The following RBMS3 variants were observed in gnomAD, a reference collection of about 807,000 sequenced individuals.
The protein encoded by RBMS3 is RNA binding motif single stranded interacting protein 3.
RBMS3 carries 27 observed loss-of-function variants against 66.8 expected under a neutral mutation model. The ratio of observed to expected loss-of-function variants is 0.40; its 90% CI spans 0.30 to 0.56. The LOEUF (loss-of-function observed/expected upper bound fraction) is 0.56, where lower values mean the gene tolerates loss of function less well. RBMS3 is among the 20% of genes least tolerant of loss of function. The probability of loss-of-function intolerance (pLI) is 0.40; values close to 1 mark genes in which losing one functional copy is unlikely to be tolerated. For missense variants in RBMS3, 513 were observed against 549.5 expected (o/e 0.93, Z 0.66); for synonymous variants, 188 against 183.0 (o/e 1.03, Z -0.22).
chr3:29,778,324 GTA>G (rs557517599), intron 6 of RBMS3, among the ~76,000 whole-genome samples: 10 of 151,478 alleles, frequency 6.6e-5, no homozygotes, highest in Admixed American at 2.6e-4. Flanking sequence ...GTGACTCTCT[GTA>G]TATGATTATT....
chr3:29,725,077 C>T (rs775217332), intron 4 of RBMS3, among the ~76,000 whole-genome samples: 9 of 152,122 alleles, frequency 5.9e-5, no homozygotes, highest in Non-Finnish European at 1.0e-4. Flanking sequence ...AGATGGAAAT[C>T]GACAAGTGAC....
chr3:29,624,344 C>G (rs2048979473), intron 4 of RBMS3, among the ~76,000 whole-genome samples: 1 of 152,140 alleles, frequency 6.6e-6, no homozygotes, highest in South Asian at 2.1e-4. Context: ...TATAAAGCAA[C>G]AGTTTTTTTA....
At chr3:29,386,052 T>A (rs1311356179) in intron 1 of RBMS3, among the ~76,000 whole-genome samples, 1 of 152,236 alleles carries the variant, frequency 6.6e-6, no homozygotes, top group African/African-American at 2.4e-5. Context: ...CCTTATACCG[T>A]TGCTTATATA....
chr3:29,878,774 AG>A (rs2059668939), intron 7 of RBMS3, among the ~76,000 whole-genome samples: 2 of 152,146 alleles, frequency 1.3e-5, no homozygotes, highest in African/African-American at 2.4e-5. Context: ...AAAACTCAAA[AG>A]TCATGCCTGT....
At chr3:29,333,989 T>C (rs2035810058) in intron 1 of RBMS3, among the ~76,000 whole-genome samples, 1 of 152,192 alleles carries the variant, frequency 6.6e-6, no homozygotes, top group African/African-American at 2.4e-5. Flanking sequence ...TCTAGCGTTA[T>C]GACCATAGGC....
At chr3:29,307,131 T>C (rs2034066974) in intron 1 of RBMS3, among the ~76,000 whole-genome samples, 1 of 151,910 alleles carries the variant, frequency 6.6e-6, no homozygotes, top group Non-Finnish European at 1.5e-5. Context: ...GTCTTCAAAC[T>C]CAGGCAGCTT....
At chr3:29,988,051 C>CCCATAGCTAAAGCAGTCT in intron 12 of RBMS3, 92 bp from the exon 13 acceptor site, 1 of 1,010,370 alleles carries the variant, frequency 9.9e-7, no homozygotes. Context: ...GGCTATGGGC[C>CCCATAGCTAAAGCAGTCT]CCATAGCTAA....
intron 3 of RBMS3, among the ~76,000 whole-genome samples, chr3:29,515,854 G>A (rs2044599835): frequency 1.3e-5 from 2 of 152,172 alleles, no homozygotes; most frequent in Admixed American, 1.3e-4. Context: ...AAAGCTTTGT[G>A]CTTTTATAAT....
chr3:29,746,497 C>A (rs1225924603), intron 5 of RBMS3, among the ~76,000 whole-genome samples: 1 of 152,100 alleles, frequency 6.6e-6, no homozygotes, highest in African/African-American at 2.4e-5. Context: ...AATTTTAATT[C>A]TTCTTCTAAT....
chr3:29,499,821 A>G (rs9878511), intron 3 of RBMS3, among the ~76,000 whole-genome samples: 20,051 of 152,150 alleles, frequency 0.13, 1,959 homozygotes, highest in African/African-American at 0.27. Flanking sequence ...ATATTCTCAG[A>G]TCTCGTCCAC....
At chr3:29,618,727 C>A (rs769885535) in intron 4 of RBMS3, among the ~76,000 whole-genome samples, 1 of 151,966 alleles carries the variant, frequency 6.6e-6, no homozygotes, top group African/African-American at 2.4e-5. Flanking sequence ...CTTCCAGGGG[C>A]GTCTATGAGG....
At chr3:29,927,703 G>T (rs1490586458) in intron 10 of RBMS3, among the ~76,000 whole-genome samples, 3 of 152,198 alleles carry the variant, frequency 2.0e-5, no homozygotes, top group Non-Finnish European at 4.4e-5. Flanking sequence ...GAGGAATACA[G>T]TGTGGTGGAA....
intron 1 of RBMS3, among the ~76,000 whole-genome samples, chr3:29,427,328 C>A (rs1481212325): frequency 6.6e-6 from 1 of 152,174 alleles, no homozygotes; most frequent in Non-Finnish European, 1.5e-5. Flanking sequence ...GCATGGCTTG[C>A]CTTAGATATT....
chr3:29,529,085 T>C (rs1049245566), intron 3 of RBMS3, among the ~76,000 whole-genome samples: 1 of 152,210 alleles, frequency 6.6e-6, no homozygotes, highest in Non-Finnish European at 1.5e-5. Flanking sequence ...AGAATAGTCA[T>C]TTGCTCTTAT....
At chr3:29,410,406 A>G (rs932274240) in intron 1 of RBMS3, among the ~76,000 whole-genome samples, 2 of 152,196 alleles carry the variant, frequency 1.3e-5, no homozygotes, top group Admixed American at 6.5e-5. Context: ...ACTGACAGCT[A>G]GTATGCAAAT....
At chr3:29,755,753 T>G (rs184515396) in intron 5 of RBMS3, among the ~76,000 whole-genome samples, 2 of 152,284 alleles carry the variant, frequency 1.3e-5, no homozygotes, top group African/African-American at 4.8e-5. Flanking sequence ...CTCAGATTTC[T>G]CTCTACTCTT....
intron 14 of RBMS3, among the ~76,000 whole-genome samples, chr3:29,999,576 C>T (rs1699476637): frequency 6.6e-6 from 1 of 152,066 alleles, no homozygotes; most frequent in Non-Finnish European, 1.5e-5. Flanking sequence ...TACTATGCAG[C>T]CACAAAAAAT....
intron 2 of RBMS3, among the ~76,000 whole-genome samples, chr3:29,447,399 T>G (rs2041870359): frequency 6.6e-6 from 1 of 152,180 alleles, no homozygotes; most frequent in African/African-American, 2.4e-5. Flanking sequence ...TATAGAGAGC[T>G]TGATATTTCT....
At chr3:29,901,414 G>A (rs367676258) in intron 10 of RBMS3, among the ~76,000 whole-genome samples, 67 of 151,878 alleles carry the variant, frequency 4.4e-4, no homozygotes, top group African/African-American at 1.6e-3. Context: ...CAAAAGGAGT[G>A]CACATCTGGC....
Sources: allele counts gnomAD v4.1 joint callset (sites outside exome capture counted in the v4.1 genomes callset), GRCh38; gene constraint gnomAD v4.1.1; transcripts MANE v1.5; gene names NCBI Gene and HGNC (gene_info 2026-07-23, HGNC 2026-07-21).